The following WDFY3 variants were observed in gnomAD, a reference collection of about 807,000 sequenced individuals.
WDFY3 encodes the protein WD repeat and FYVE domain-containing protein 3.
In WDFY3, 66 loss-of-function variants were observed where a neutral mutation model predicts 409.6. That is an observed-to-expected ratio of 0.16 (90% confidence interval 0.13 to 0.20). The LOEUF (loss-of-function observed/expected upper bound fraction) is 0.20, where lower values mean the gene tolerates loss of function less well. Among genes scored for constraint, WDFY3 ranks in the 10% least tolerant of loss-of-function variants. The probability of loss-of-function intolerance (pLI) is 1.00; values close to 1 mark genes in which losing one functional copy is unlikely to be tolerated. For missense variants in WDFY3, 3,031 were observed against 4,298.1 expected, an observed-to-expected ratio of 0.71 and a Z score of 8.24; for synonymous variants, 1,521 against 1,537.1, an observed-to-expected ratio of 0.99 and a Z score of 0.25.
intron 66 of WDFY3, among the ~76,000 whole-genome samples, chr4:84,677,961 C>CAAAAAAAAAAAAAAAAAAA (rs986393073): frequency 4.7e-5 from 1 of 21,178 alleles, no homozygotes; most frequent in Non-Finnish European, 9.3e-5. Flanking sequence ...GACCCTGTCT[C>CAAAAAAAAAAAAAAAAAAA]AAAAAAAAAA....
At chr4:84,906,457 T>C (rs895311226) in intron 2 of WDFY3, among the ~76,000 whole-genome samples, 4 of 152,150 alleles carry the variant, frequency 2.6e-5, no homozygotes, top group Admixed American at 6.6e-5. Context: ...TATGTTTATA[T>C]GCAAAATGAC....
chr4:84,891,675 A>C (rs1764974580), intron 3 of WDFY3, among the ~76,000 whole-genome samples: 1 of 152,124 alleles, frequency 6.6e-6, no homozygotes, highest in Non-Finnish European at 1.5e-5. Context: ...GGGAAAGAAA[A>C]TCTGTTTACC....
chr4:84,748,907 G>A (rs1430713468), intron 36 of WDFY3, among the ~76,000 whole-genome samples: 1 of 150,378 alleles, frequency 6.6e-6, no homozygotes, highest in African/African-American at 2.4e-5. Context: ...TTTGAGACAG[G>A]GTCTCACTCT....
chr4:84,747,979 G>T (rs193188632), intron 36 of WDFY3, among the ~76,000 whole-genome samples: 62 of 151,838 alleles, frequency 4.1e-4, no homozygotes, highest in African/African-American at 1.5e-3. Flanking sequence ...TTTATTAGTA[G>T]TGTGAGCTTG....
intron 13 of WDFY3, among the ~76,000 whole-genome samples, chr4:84,810,667 A>G (rs550708398): frequency 6.6e-6 from 1 of 152,324 alleles, no homozygotes; most frequent in Non-Finnish European, 1.5e-5. Flanking sequence ...AGTAAGTAAA[A>G]TATATCTTCT....
chr4:84,692,907 C>T lies in WDFY3; in HGVS notation c.9027G>A (p.Arg3009=), dbSNP rs770212263. 6.2e-7 allele frequency: 1 copy of T among 1,611,088 alleles called. No homozygotes were observed. The highest frequency in any genetic ancestry group is 8.5e-7 in the Non-Finnish European group (1 of 1,179,430). The change falls in exon 59 of 68, where the codon AGG becomes AGA. Residue 3009 remains arginine (R), a synonymous_variant. Coordinates refer to ENST00000295888, the MANE Select transcript of WDFY3 (RefSeq NM_014991.6). ...TACCTTTTACAGGTGTTAGAGAAGG[C>T]CTCAAGTTGTCTAGATGATGAAAAA... The part of the protein sequence containing the change: ...KIFFHHLDNL[R]PSLTPVKELK...
rs1197664675 is a variant in WDFY3 at position 84,821,177 on chromosome 4, A to G, written c.1498T>C (p.Phe500Leu). 1 of 1,613,806 alleles carries G rather than the reference A, an allele frequency of 6.2e-7. No homozygotes were observed. The highest frequency in any genetic ancestry group is 8.5e-7 in the Non-Finnish European group (1 of 1,179,846). ...ACCTCCAAAAGGCCAACCTCCCTGA[A>G]CACGTCTTTAAATATGTAGTCATGT... ...TRHDYIFKDVFREVGLLEVMV... is the reference protein window; with the variant it reads ...TRHDYIFKDVLREVGLLEVMV... The change falls in exon 11 of 68, where the codon TTC becomes CTC. Residue 500 changes from phenylalanine to leucine, a missense_variant. This residue lies in a region of WDFY3 where 1,322 missense variants were observed against 1,697.9 expected (regional missense o/e 0.78). Transcript: ENST00000295888.
intron 37 of WDFY3, among the ~76,000 whole-genome samples, chr4:84,742,919 T>C (rs1440794501): frequency 1.3e-5 from 2 of 152,184 alleles, no homozygotes; most frequent in African/African-American, 4.8e-5. Context: ...TAATGCTAAA[T>C]TGCCCCATTA....
rs745618694 is a variant in WDFY3 at position 84,679,069 on chromosome 4, G to A, written c.9997C>T (p.Arg3333Cys). Residue 3333 changes from arginine (R) to cysteine (C), a missense_variant, in exon 65 of 68, where the codon CGC becomes TGC. Around this residue, in one of 16 missense-constraint regions of WDFY3, gnomAD observed 378 missense variants for 477.3 expected, o/e 0.79. Coordinates refer to ENST00000295888, the MANE Select transcript of WDFY3 (RefSeq NM_014991.6). ...TCTAGACTGAGCTGGTCGGACCAGCGTCTGGAGTCGTCAGAGCCACTGTCA... is the reference window on the plus strand; with the variant it reads ...TCTAGACTGAGCTGGTCGGACCAGCATCTGGAGTCGTCAGAGCCACTGTCA... ...CTDSGSDDSRRWSDQLSLDEK... is the reference protein window; with the variant it reads ...CTDSGSDDSRCWSDQLSLDEK... 16 of 1,614,112 alleles carry A rather than the reference G, an allele frequency of 9.9e-6. No individual in the cohort carries two copies. The South Asian group carries it at 1.1e-4, about 11-fold the overall frequency.
At chr4:84,953,298 G>A (rs1420325823) in intron 1 of WDFY3, among the ~76,000 whole-genome samples, 1 of 151,772 alleles carries the variant, frequency 6.6e-6, no homozygotes. Flanking sequence ...GTTGCGCAGA[G>A]GAAATGGGAG....
chr4:84,790,124 C>T (rs971410981), intron 21 of WDFY3, among the ~76,000 whole-genome samples: 17 of 151,916 alleles, frequency 1.1e-4, no homozygotes, highest in African/African-American at 3.1e-4. Context: ...CTGAGGCGGG[C>T]GGATCACCTG....
At chr4:84,704,264 A>G in intron 55 of WDFY3, 74 bp downstream of exon 55, 1 of 1,057,494 alleles carries the variant, frequency 9.5e-7, no homozygotes, top group Non-Finnish European at 1.3e-6. Flanking sequence ...GAAGATAATG[A>G]TGTTTTAAAA....
chr4:84,683,937 A>C lies in WDFY3; in HGVS notation c.9726+6T>G, dbSNP rs1282480242. The C allele has an allele frequency of 1.3e-6, 2 of 1,575,190 alleles. No homozygotes were observed. The highest frequency in any genetic ancestry group is 2.7e-5 in the African/African-American group (2 of 74,092). ...TCCTAATGAGTTTTTCTCTCAGTTC[A>C]CTTACCCGAACCACTCCATCTGAGT... On this transcript the variant is annotated splice_donor_region_variant and intron_variant, in intron 63 of 67. Coordinates refer to ENST00000295888, the MANE Select transcript of WDFY3 (RefSeq NM_014991.6).
At chr4:84,908,795 G>A (rs898495197) in intron 2 of WDFY3, among the ~76,000 whole-genome samples, 8 of 152,058 alleles carry the variant, frequency 5.3e-5, no homozygotes, top group Admixed American at 3.9e-4. Context: ...TAGCTCAAGA[G>A]TTCTTAGTGT....
Position 84,860,473 on chromosome 4 carries a change from C to A in WDFY3, c.119G>T (p.Arg40Leu). 6.2e-7 allele frequency: 1 copy of A among 1,614,010 alleles called. No individual in the cohort carries two copies. Among genetic ancestry groups the A allele is most frequent in the Non-Finnish European group, 8.5e-7 (1 of 1,179,968 alleles). ...TTCTTGTTCCTTCTGAGTCATGTGC[C>A]GGGGAGGATGGCACAACTCCGTGAA... Reference protein sequence around the residue: ...RLFTELCHPPRHMTQKEQEEK... With the variant: ...RLFTELCHPPLHMTQKEQEEK... The change falls in exon 4 of 68, where the codon CGG becomes CTG. Residue 40 changes from arginine to leucine, a missense_variant. This residue lies in a region of WDFY3 where 1,322 missense variants were observed against 1,697.9 expected (regional missense o/e 0.78). Transcript: ENST00000295888.
chr4:84,778,460 GCATT>G, intron 27 of WDFY3, 39 bp downstream of exon 27: 1 of 1,462,176 alleles, frequency 6.8e-7, no homozygotes, highest in Non-Finnish European at 9.1e-7. Context: ...AGTAAGAAAT[GCATT>G]CATTGATTAT....
At chr4:84,686,248 T>G (rs1026842761) in intron 62 of WDFY3, among the ~76,000 whole-genome samples, 1 of 151,974 alleles carries the variant, frequency 6.6e-6, no homozygotes, top group Non-Finnish European at 1.5e-5. Context: ...GGAGCTTGCA[T>G]TGAGCCGACA....
At chr4:84,935,708 T>C (rs1367162408) in intron 1 of WDFY3, among the ~76,000 whole-genome samples, 1 of 151,962 alleles carries the variant, frequency 6.6e-6, no homozygotes, top group African/African-American at 2.4e-5. Context: ...CAAGTTAGAG[T>C]ACCAATGATT....
At chr4:84,840,814 C>T (rs1243039291) in intron 6 of WDFY3, among the ~76,000 whole-genome samples, 2 of 151,444 alleles carry the variant, frequency 1.3e-5, no homozygotes, top group Non-Finnish European at 2.9e-5. Context: ...TTTCCGGGCT[C>T]AAGCAATCTT....
Sources: gnomAD v4.1 joint callset for allele counts (sites outside exome capture counted in the v4.1 genomes callset) on GRCh38, gnomAD v4.1.1 for gene constraint, gnomAD v4.1.1 regional missense constraint, MANE v1.5 for transcripts, NCBI Gene and HGNC (gene_info 2026-07-23, HGNC 2026-07-21) for gene names.